Variants in NLGN2 observed in about 807,000 individuals in gnomAD.
NLGN2 encodes neuroligin 2.
In NLGN2, 11 loss-of-function variants were observed where a neutral mutation model predicts 48.6. That is an observed-to-expected ratio of 0.23 (90% confidence interval 0.14 to 0.37). The LOEUF (loss-of-function observed/expected upper bound fraction) is 0.37. Among genes scored for constraint, NLGN2 ranks in the 10% least tolerant of loss-of-function variants. NLGN2 has a pLI of 1.00. For synonymous variants in NLGN2, 548 were observed against 550.0 expected (o/e 1.00, Z 0.05); for missense variants, 801 against 1,225.2 (o/e 0.65, Z 5.17).
rs1461014954 is a variant in NLGN2 at position 7,412,202 on chromosome 17, A to G, written c.503A>G (p.Asp168Gly). 2.5e-6 allele frequency: 4 copies of G among 1,612,858 alleles called. No homozygotes were observed. Among genetic ancestry groups the G allele is most frequent in the Non-Finnish European group, 3.4e-6 (4 of 1,179,368 alleles). The change falls in exon 2 of 7, where the codon GAC becomes GGC. Residue 168 changes from aspartate to glycine, a missense_variant. Around this residue, in one of 5 missense-constraint regions of NLGN2, gnomAD observed 56 missense variants for 100.0 expected, o/e 0.56. Transcript: ENST00000302926. ...GACGAGGCGACGCTCAATCCGCCAG[A>G]CACAGGTAGATTTAAAAATCCCGCT... ...KRDEATLNPP[D>G]TDIRDPGKKP...
In NLGN2 at chr17:7,418,440, C is replaced by T. The variant is rs1365284754; in HGVS notation, c.*641C>T. 1 of 152,270 alleles carries T rather than the reference C, an allele frequency of 6.6e-6. No homozygotes were observed. Among genetic ancestry groups the T allele is most frequent in the Non-Finnish European group, 1.5e-5 (1 of 68,086 alleles). The allele number at this position is 152,270 out of a possible 1,614,324, so 9.4% of individuals were successfully genotyped here. ...TGAAGCACGTTCTGCCGGGGAGGCC[C>T]TCACCTTCCAGAGAGGACAGACACA... is the stretch of plus-strand genomic sequence containing the variant. On this transcript the variant is annotated 3_prime_UTR_variant, in exon 7 of 7. Coordinates refer to ENST00000302926, the MANE Select transcript of NLGN2 (RefSeq NM_020795.4).
At position 7,411,768 on chromosome 17, in the gene NLGN2, C is replaced by A. The variant is rs936780813; in HGVS notation, c.458-389C>A. ...TCCCAGGGGCTCTGGGTGGGCTTCC[C>A]CTCCCCTCCCACCCCACCTCTAACA... On this transcript the variant is annotated intron_variant, in intron 1 of 6. Coordinates refer to ENST00000302926, the MANE Select transcript of NLGN2 (RefSeq NM_020795.4). This position sits in a 1 kb window ranked among gnomAD's most constrained non-coding sequence, Gnocchi z 4.5. Among the ~76,000 whole-genome samples the A allele has an allele frequency of 6.6e-6, 1 of 152,020 alleles. No individual in the cohort carries two copies. Among genetic ancestry groups the A allele is most frequent in the Admixed American group, 6.5e-5 (1 of 15,276 alleles).
In NLGN2 at chr17:7,408,402, G is replaced by A; in HGVS notation, c.147G>A (p.Gly49=). Reference sequence around the variant, plus strand: ...TCCCGGTGGTGAACACGGCCTACGGGCGAGTGCGCGGTGTGCGGCGCGAGC... The same window carrying A: ...TCCCGGTGGTGAACACGGCCTACGGACGAGTGCGCGGTGTGCGGCGCGAGC... ...ERFPVVNTAY[G]RVRGVRRELN... Residue 49 remains glycine, a synonymous_variant, in exon 1 of 7, where the codon GGG becomes GGA. Transcript: ENST00000302926. The surrounding 1 kb of genome is among the most constrained non-coding windows in gnomAD (Gnocchi z 7.5). The A allele has an allele frequency of 3.2e-6, 5 of 1,557,458 alleles. No homozygotes were observed. Among genetic ancestry groups the A allele is most frequent in the Non-Finnish European group, 3.5e-6 (4 of 1,156,780 alleles).
rs1001511092 is a variant in NLGN2 at position 7,408,869 on chromosome 17, G to A, written c.457+157G>A. ...CCTGCAACCTCTACGTGCCCCCTGA[G>A]GATTGTAAGGGTGCCTCCAGGCAGT... On this transcript the variant is annotated intron_variant, in intron 1 of 6. Transcript: ENST00000302926. The surrounding 1 kb of genome is among the most constrained non-coding windows in gnomAD (Gnocchi z 7.5). Among the ~76,000 whole-genome samples the A allele has an allele frequency of 6.6e-6, 1 of 152,140 alleles. No individual in the cohort carries two copies. The highest frequency in any genetic ancestry group is 1.5e-5 in the Non-Finnish European group (1 of 68,004).
rs371164130 is a variant in NLGN2 at position 7,408,720 on chromosome 17, C to G, written c.457+8C>G. 3 of 1,612,436 alleles carry G rather than the reference C, an allele frequency of 1.9e-6. No homozygotes were observed. The African/African-American group carries it at 4.0e-5, about 22-fold the overall frequency. ...ACGTGCCCACCGAGGACGGTAAGGG[C>G]GCGGGCACAAAGCCGGGCACCCCGT... On this transcript the variant is annotated splice_region_variant and intron_variant, in intron 1 of 6. Coordinates refer to ENST00000302926, the MANE Select transcript of NLGN2 (RefSeq NM_020795.4). This position sits in a 1 kb window ranked among gnomAD's most constrained non-coding sequence, Gnocchi z 7.5.
At position 7,416,121 on chromosome 17, in the gene NLGN2, G is replaced by A; in HGVS notation, c.1634+14G>A. 1.4e-6 allele frequency: 2 copies of A among 1,453,780 alleles called. No individual in the cohort carries two copies. The highest frequency in any genetic ancestry group is 1.1e-5 in the South Asian group (1 of 87,846). The allele number at this position is 1,453,780 out of a possible 1,614,324, so 90.1% of individuals were successfully genotyped here. A position where few individuals can be genotyped will look rare whatever the true frequency, so the allele number is the denominator to read the frequency against. ...CGCCAAGACTGGGTGAGGGCCAGAG[G>A]GGCTGGGCGGGGCTGGGCGGGGCCC... is the stretch of plus-strand genomic sequence containing the variant. On this transcript the variant is annotated intron_variant, in intron 6 of 6. Transcript: ENST00000302926.
intron 1 of NLGN2, among the ~76,000 whole-genome samples, chr17:7,409,098 T>C (rs538456617): frequency 2.8e-4 from 42 of 152,122 alleles, no homozygotes; most frequent in African/African-American, 9.6e-4. Context: ...TTGCCCCGCC[T>C]CCCGCCGCCA....
At position 7,412,513 on chromosome 17, in the gene NLGN2, A is replaced by G. The variant is rs533750985; in HGVS notation, c.508+306A>G. 3.9e-5 allele frequency among the ~76,000 whole-genome samples: 6 copies of G among 152,338 alleles called. No homozygotes were observed. The East Asian group carries it at 1.2e-3, about 29-fold the overall frequency. On this transcript the variant is annotated intron_variant, in intron 2 of 6. Transcript: ENST00000302926. ...ATAAAATTCAAAAGAATTGGTTAAAATGTTTAGAATTTGAAAGAAATCTGG... is the reference window on the plus strand; with the variant it reads ...ATAAAATTCAAAAGAATTGGTTAAAGTGTTTAGAATTTGAAAGAAATCTGG...
Position 7,417,833 on chromosome 17 carries a change from C to T in NLGN2, c.*34C>T, listed in dbSNP as rs1353095078. 1.5e-6 allele frequency: 2 copies of T among 1,354,496 alleles called. No individual in the cohort carries two copies. Among genetic ancestry groups the T allele is most frequent in the Non-Finnish European group, 9.4e-7 (1 of 1,062,222 alleles). The allele number at this position is 1,354,496 out of a possible 1,614,324, so 83.9% of individuals were successfully genotyped here. On this transcript the variant is annotated 3_prime_UTR_variant, in exon 7 of 7. Coordinates refer to ENST00000302926, the MANE Select transcript of NLGN2 (RefSeq NM_020795.4). The stretch of plus-strand genomic sequence containing the variant: ...TGGGGAGGCCCTCCTCCCCGGCCCT[C>T]CCTGGCCCGGCCACTCCGAAGGCAG...
Position 7,408,282 on chromosome 17 carries a change from G to T in NLGN2, c.27G>T (p.Val9=). 1 of 1,342,308 alleles carries T rather than the reference G, an allele frequency of 7.4e-7. No individual in the cohort carries two copies. The highest frequency in any genetic ancestry group is 3.1e-5 in the East Asian group (1 of 32,404). The allele number at this position is 1,342,308 out of a possible 1,614,324, so 83.1% of individuals were successfully genotyped here. ...TGTGGCTCCTGGCGCTGTGTCTGGT[G>T]GGGCTGGCGGGGGCTCAACGCGGGG... MWLLALCL[V]GLAGAQRGGG... Residue 9 remains valine (V), a synonymous_variant, in exon 1 of 7, where the codon GTG becomes GTT. Transcript: ENST00000302926. This position sits in a 1 kb window ranked among gnomAD's most constrained non-coding sequence, Gnocchi z 7.5.
intron 2 of NLGN2, 45 bp downstream of exon 2, chr17:7,412,252 G>T (rs1230934686): frequency 1.4e-6 from 2 of 1,468,504 alleles, no homozygotes; most frequent in East Asian, 4.5e-5. Context: ...CTTATAAGAG[G>T]ACATTCATGG....
At chr17:7,410,259 A>C (rs906612977) in intron 1 of NLGN2, among the ~76,000 whole-genome samples, 1 of 149,336 alleles carries the variant, frequency 6.7e-6, no homozygotes, top group Non-Finnish European at 1.5e-5. Flanking sequence ...TGGACCATTC[A>C]CCCTGTATCC....
rs770829525 is a variant in NLGN2 at position 7,415,685 on chromosome 17, C to T, written c.1212C>T (p.Ser404=). The change falls in exon 6 of 7, where the codon AGC becomes AGT. Residue 404 remains serine, a synonymous_variant. Transcript: ENST00000302926. ...SAESEDGVSA[S]AFDFTVSNFV... ...AGAGCGAGGACGGTGTGTCTGCCAG[C>T]GCCTTTGACTTCACTGTCTCCAACT... 2.0e-5 allele frequency: 33 copies of T among 1,614,266 alleles called. 1 individual carries two copies. In the Middle Eastern group the frequency reaches 4.9e-4, roughly 24 times the overall value.
intron 3 of NLGN2, 63 bp downstream of exon 3, chr17:7,414,556 G>C (rs541745541): frequency 2.5e-6 from 4 of 1,611,688 alleles, no homozygotes; most frequent in African/African-American, 1.3e-5. Flanking sequence ...GGTGGGCAGG[G>C]TTCCTCCACA....
rs114377334 is a variant in NLGN2, at chr17:7,417,223, G to A, written c.1932G>A (p.Pro644=). 1.3e-5 allele frequency: 20 copies of A among 1,534,828 alleles called. No individual in the cohort carries two copies. Among genetic ancestry groups the A allele is most frequent in the Admixed American group, 4.1e-5 (2 of 49,054 alleles). The part of the protein sequence containing the change: ...PAGAPGTRRP[P]PPATLPPEPE... ...GCGCCCCGGGCACACGCCGGCCCCC[G>A]CCGCCTGCCACCCTGCCTCCCGAGC... is the stretch of plus-strand genomic sequence containing the variant. Residue 644 remains proline, a synonymous_variant, in exon 7 of 7, where the codon CCG becomes CCA. Transcript: ENST00000302926.
rs1906735703 is a variant in NLGN2, at chr17:7,408,319, G to A, written c.64G>A (p.Gly22Ser). The change falls in exon 1 of 7, where the codon GGC (glycine) becomes AGC (serine). Residue 22 changes from glycine to serine, a missense_variant. By Grantham distance (56) the Gly-to-Ser change is moderately conservative. Around this residue, in one of 5 missense-constraint regions of NLGN2, gnomAD observed 164 missense variants for 186.2 expected, o/e 0.88. Transcript: ENST00000302926. This position sits in a 1 kb window ranked among gnomAD's most constrained non-coding sequence, Gnocchi z 7.5. Reference protein sequence around the residue: ...AGAQRGGGGPGGGAPGGPGLG... With the variant: ...AGAQRGGGGPSGGAPGGPGLG... ...GGCTCAACGCGGGGGAGGGGGTCCCGGCGGCGGCGCCCCGGGCGGCCCCGG... is the reference window on the plus strand; with the variant it reads ...GGCTCAACGCGGGGGAGGGGGTCCCAGCGGCGGCGCCCCGGGCGGCCCCGG... The A allele has an allele frequency of 3.6e-6, 5 of 1,393,366 alleles. No individual in the cohort carries two copies. The highest frequency in any genetic ancestry group is 4.6e-6 in the Non-Finnish European group (5 of 1,083,396). 86.3% of individuals were successfully genotyped at this position (1,393,366 alleles called of 1,614,324 possible).
chr17:7,411,077 C>T lies in NLGN2; in HGVS notation c.458-1080C>T, dbSNP rs140912942. 0.015 allele frequency among the ~76,000 whole-genome samples: 2,361 copies of T among 152,370 alleles called. 37 individuals carry two copies. Among genetic ancestry groups the T allele is most frequent in the Admixed American group, 0.037 (572 of 15,312 alleles). Reference sequence around the variant, plus strand: ...ACCCCCAGGCCTCTGGGCTCCAGCTCGCCCCTGACCAACCCCGTAATCTGG... The same window carrying T: ...ACCCCCAGGCCTCTGGGCTCCAGCTTGCCCCTGACCAACCCCGTAATCTGG... On this transcript the variant is annotated intron_variant, in intron 1 of 6. Transcript: ENST00000302926. This position sits in a 1 kb window ranked among gnomAD's most constrained non-coding sequence, Gnocchi z 4.5.
chr17:7,409,425 C>A (rs1906789131), intron 1 of NLGN2, among the ~76,000 whole-genome samples: 1 of 152,086 alleles, frequency 6.6e-6, no homozygotes, highest in Non-Finnish European at 1.5e-5. Context: ...TAGCCCCTGG[C>A]ACATTCCTTC....
rs1906915217 is a variant in NLGN2 at position 7,411,969 on chromosome 17, T to A, written c.458-188T>A. On this transcript the variant is annotated intron_variant, in intron 1 of 6. Coordinates refer to ENST00000302926, the MANE Select transcript of NLGN2 (RefSeq NM_020795.4). The surrounding 1 kb of genome is among the most constrained non-coding windows in gnomAD (Gnocchi z 4.5). ...GGAACAAAATTGGGTTGTAGAAACG[T>A]TTTTCTCTTTTCTTGGTTTCTTTTT... Among the ~76,000 whole-genome samples, 1 of 146,286 alleles carries A rather than the reference T, an allele frequency of 6.8e-6. No individual in the cohort carries two copies. Among genetic ancestry groups the A allele is most frequent in the South Asian group, 2.3e-4 (1 of 4,362 alleles).
Sources: gnomAD v4.1 joint callset for allele counts (sites outside exome capture counted in the v4.1 genomes callset) on GRCh38, gnomAD v4.1.1 for gene constraint, gnomAD v4.1.1 regional missense constraint, Gnocchi (gnomAD v3.1) non-coding constraint, MANE v1.5 for transcripts, NCBI Gene and HGNC (gene_info 2026-07-23, HGNC 2026-07-21) for gene names.